Variants in CHN1 observed in about 807,000 individuals in gnomAD.
CHN1 encodes N-chimaerin.
Under a neutral mutation model 59.5 loss-of-function variants are expected in CHN1, and 37 were observed. That is an observed-to-expected ratio of 0.62 (90% CI 0.48 to 0.82). CHN1 has a LOEUF of 0.82. Ranked by LOEUF, CHN1 falls within the 40% of genes least tolerant of loss-of-function variation. The pLI, the probability that CHN1 is intolerant of heterozygous loss-of-function variation, is 0.00. For synonymous variants in CHN1, 206 were observed against 200.4 expected, an observed-to-expected ratio of 1.03 and a Z score of -0.24; for missense variants, 469 against 571.0, an observed-to-expected ratio of 0.82 and a Z score of 1.82.
intron 1 of CHN1, among the ~76,000 whole-genome samples, chr2:174,996,781 C>T (rs1691725537): frequency 6.6e-6 from 1 of 152,166 alleles, no homozygotes. Flanking sequence ...CTCCAGCTTT[C>T]CCCTTGCTGA....
At chr2:174,868,253 G>A (rs940826681) in intron 6 of CHN1, among the ~76,000 whole-genome samples, 3 of 152,082 alleles carry the variant, frequency 2.0e-5, no homozygotes, top group Non-Finnish European at 2.9e-5. Flanking sequence ...ACACATGTTG[G>A]CATAACATGA....
intron 2 of CHN1, among the ~76,000 whole-genome samples, chr2:174,946,206 T>C (rs1298748478): frequency 6.6e-6 from 1 of 152,154 alleles, no homozygotes; most frequent in Non-Finnish European, 1.5e-5. Context: ...AAATAATTTA[T>C]GTGAAAGATG....
chr2:174,858,245 T>C (rs898575316), intron 6 of CHN1, among the ~76,000 whole-genome samples: 1 of 152,208 alleles, frequency 6.6e-6, no homozygotes, highest in Non-Finnish European at 1.5e-5. Flanking sequence ...TTCCTTTCTA[T>C]GGCAAAAATA....
chr2:174,893,452 G>A (rs1327419325), intron 5 of CHN1, among the ~76,000 whole-genome samples: 1 of 152,122 alleles, frequency 6.6e-6, no homozygotes, highest in African/African-American at 2.4e-5. Context: ...AAACATTACT[G>A]AAAGAAATTG....
At chr2:174,808,089 A>G (rs1684957620) in intron 11 of CHN1, among the ~76,000 whole-genome samples, 1 of 152,224 alleles carries the variant, frequency 6.6e-6, no homozygotes, top group South Asian at 2.1e-4. Flanking sequence ...TTTCAACTAG[A>G]ATTTACAAAA....
intron 4 of CHN1, among the ~76,000 whole-genome samples, chr2:174,918,200 ATGTG>A (rs896622145): frequency 2.0e-5 from 3 of 152,164 alleles, no homozygotes; most frequent in African/African-American, 7.2e-5. Flanking sequence ...CTGTACATAC[ATGTG>A]TGTGTATATA....
intron 6 of CHN1, among the ~76,000 whole-genome samples, chr2:174,864,959 T>G (rs996946362): frequency 6.6e-6 from 1 of 152,152 alleles, no homozygotes; most frequent in African/African-American, 2.4e-5. Flanking sequence ...AATCCTTTAT[T>G]TATTTATTGT....
chr2:174,929,306 G>A (rs1332418758), intron 3 of CHN1, among the ~76,000 whole-genome samples: 1 of 152,170 alleles, frequency 6.6e-6, no homozygotes, highest in Non-Finnish European at 1.5e-5. Flanking sequence ...GGCCAGACAT[G>A]GTGGCTGATG....
intron 5 of CHN1, among the ~76,000 whole-genome samples, chr2:174,880,070 T>C (rs1359003713): frequency 6.6e-6 from 1 of 152,094 alleles, no homozygotes; most frequent in African/African-American, 2.4e-5. Context: ...AAAACCCTAT[T>C]TATCCTTTTC....
chr2:174,923,508 C>T (rs1689077568), intron 3 of CHN1, among the ~76,000 whole-genome samples: 2 of 152,124 alleles, frequency 1.3e-5, no homozygotes, highest in African/African-American at 4.8e-5. Context: ...AGAATGGGGT[C>T]CCCCAACATT....
In CHN1 at chr2:174,890,123, T is replaced by C. The variant is rs375477907; in HGVS notation, c.261-11995A>G. On this transcript the variant is annotated intron_variant, in intron 5 of 12. Transcript: ENST00000409900. ...TGGATTAAACTCTCCAGTTGAAAGA[T>C]AGAGAGTGGCTGAATAAATATACAA... Among the ~76,000 whole-genome samples, 12 of 152,056 alleles carry C rather than the reference T, an allele frequency of 7.9e-5. No individual in the cohort carries two copies. In the East Asian group the frequency reaches 2.1e-3, roughly 27 times the overall value.
intron 5 of CHN1, among the ~76,000 whole-genome samples, chr2:174,904,178 G>A (rs548077659): frequency 2.6e-5 from 4 of 151,844 alleles, no homozygotes; most frequent in Non-Finnish European, 4.4e-5. Context: ...CAGGAGAATC[G>A]CTTGAACCCG....
At chr2:174,868,823 TG>T (rs1249608321) in intron 6 of CHN1, among the ~76,000 whole-genome samples, 1 of 152,192 alleles carries the variant, frequency 6.6e-6, no homozygotes, top group East Asian at 1.9e-4. Context: ...GAAATCTAAA[TG>T]TTGTAGTGGT....
rs113295694 is a variant in CHN1 at position 174,925,717 on chromosome 2, T to C, written c.115-7152A>G. 2.3e-3 allele frequency among the ~76,000 whole-genome samples: 358 copies of C among 152,356 alleles called. 1 individual carries two copies. The highest frequency in any genetic ancestry group is 7.8e-3 in the African/African-American group (324 of 41,584). On this transcript the variant is annotated intron_variant, in intron 3 of 12. Coordinates refer to ENST00000409900, the MANE Select transcript of CHN1 (RefSeq NM_001822.7). ...AGCAAAGTTTAAGTCTTTCAACCAA[T>C]TGCCAATCAAAAAATATCTGAATCC...
intron 5 of CHN1, among the ~76,000 whole-genome samples, chr2:174,897,712 A>G (rs1425368291): frequency 6.6e-6 from 1 of 152,182 alleles, no homozygotes; most frequent in Non-Finnish European, 1.5e-5. Flanking sequence ...ACAAAAATAA[A>G]CACAATGAAA....
At chr2:174,873,875 A>C (rs994283562) in intron 6 of CHN1, among the ~76,000 whole-genome samples, 1 of 152,168 alleles carries the variant, frequency 6.6e-6, no homozygotes, top group South Asian at 2.1e-4. Context: ...ACACAGACAC[A>C]CATAGGTTAT....
intron 5 of CHN1, among the ~76,000 whole-genome samples, chr2:174,914,030 G>A (rs149797812): frequency 1.8e-4 from 28 of 152,342 alleles, no homozygotes; most frequent in African/African-American, 6.5e-4. Context: ...ATGATTAAGA[G>A]CAAAGACTCC....
At chr2:174,865,983 C>T (rs987442926) in intron 6 of CHN1, among the ~76,000 whole-genome samples, 1 of 152,154 alleles carries the variant, frequency 6.6e-6, no homozygotes, top group Non-Finnish European at 1.5e-5. Context: ...AAATCATTAG[C>T]TAAAGTGACA....
chr2:174,905,546 A>G (rs1000429114), intron 5 of CHN1, among the ~76,000 whole-genome samples: 1 of 152,054 alleles, frequency 6.6e-6, no homozygotes, highest in Non-Finnish European at 1.5e-5. Flanking sequence ...AATAAAAACC[A>G]TGCTGAGGAT....
Sources: allele counts gnomAD v4.1 joint callset (sites outside exome capture counted in the v4.1 genomes callset), GRCh38; gene constraint gnomAD v4.1.1; transcripts MANE v1.5; gene names NCBI Gene and HGNC (gene_info 2026-07-23, HGNC 2026-07-21).